Variants in MTUS2 observed in about 807,000 individuals in gnomAD.
MTUS2 encodes microtubule associated scaffold protein 2.
MTUS2 carries 40 observed loss-of-function variants against 114.1 expected under a neutral mutation model. The observed-to-expected ratio is 0.35, with a 90% CI of 0.27 to 0.46. The LOEUF is 0.46. MTUS2 is among the 20% of genes least tolerant of loss of function. The pLI, the probability that MTUS2 is intolerant of heterozygous loss-of-function variation, is 1.00. For synonymous variants in MTUS2, 688 were observed against 672.0 expected (o/e 1.02, Z -0.37); for missense variants, 1,679 against 1,705.4 (o/e 0.98, Z 0.27).
chr13:29,276,610 A>G (rs1898071918), intron 5 of MTUS2, among the ~76,000 whole-genome samples: 1 of 152,110 alleles, frequency 6.6e-6, no homozygotes, highest in Non-Finnish European at 1.5e-5. Context: ...TAAGAATAGT[A>G]TAGGGGGCTG....
At chr13:28,933,832 C>T (rs1881752861) in intron 2 of MTUS2, among the ~76,000 whole-genome samples, 2 of 152,188 alleles carry the variant, frequency 1.3e-5, no homozygotes, top group Non-Finnish European at 2.9e-5. Context: ...CTCTGTGCTG[C>T]CTCTCAAGGG....
At chr13:29,383,435 C>T (rs889768934) in intron 8 of MTUS2, among the ~76,000 whole-genome samples, 3 of 151,938 alleles carry the variant, frequency 2.0e-5, no homozygotes, top group Non-Finnish European at 4.4e-5. Flanking sequence ...CTCTGGAGGC[C>T]CTGCAGCAAG....
chr13:28,947,542 T>C (rs1313415557), intron 2 of MTUS2, among the ~76,000 whole-genome samples: 1 of 151,794 alleles, frequency 6.6e-6, no homozygotes, highest in African/African-American at 2.4e-5. Context: ...TCTTTCGGCT[T>C]TTGCAAAAAA....
Position 29,317,432 on chromosome 13 carries a change from C to CTTTT in MTUS2, c.2807-7167_2807-7164dup, listed in dbSNP as rs552766235. Among the ~76,000 whole-genome samples the CTTTT allele has an allele frequency of 4.3e-3, 220 of 51,674 alleles. 68 individuals carry two copies. The highest frequency in any genetic ancestry group is 0.014 in the African/African-American group (214 of 15,262). 33.9% of individuals were successfully genotyped at this position (51,674 alleles called of 152,430 possible). A position where few individuals can be genotyped will look rare whatever the true frequency, so the allele number is the denominator to read the frequency against. ...GCTTGTGCGCGCGCTCTCTCTCTCT[C>CTTTT]TTTTTTTTTTTTTTTTTGAGACGGA... is the stretch of plus-strand genomic sequence containing the variant. On this transcript the variant is annotated intron_variant, in intron 6 of 15. Coordinates refer to ENST00000612955, the MANE Select transcript of MTUS2 (RefSeq NM_001033602.4).
chr13:29,033,146 T>C (rs1052619864), intron 3 of MTUS2, among the ~76,000 whole-genome samples: 1 of 152,220 alleles, frequency 6.6e-6, no homozygotes, highest in Admixed American at 6.5e-5. Context: ...TTATTGACTT[T>C]AGCTATGTGC....
chr13:29,212,587 G>T (rs1320253625), intron 5 of MTUS2, among the ~76,000 whole-genome samples: 1 of 152,162 alleles, frequency 6.6e-6, no homozygotes, highest in Admixed American at 6.5e-5. Flanking sequence ...CAAATTGGAG[G>T]TTCTCACAAT....
At chr13:29,047,339 G>C (rs1417222172) in intron 4 of MTUS2, among the ~76,000 whole-genome samples, 2 of 152,088 alleles carry the variant, frequency 1.3e-5, no homozygotes, top group Non-Finnish European at 2.9e-5. Context: ...TCCAGCCTTC[G>C]TGATAGCAGA....
chr13:29,279,227 C>T (rs996303447), intron 5 of MTUS2, among the ~76,000 whole-genome samples: 1 of 152,028 alleles, frequency 6.6e-6, no homozygotes, highest in African/African-American at 2.4e-5. Context: ...GTATTCAAAC[C>T]CTAGCCATCT....
chr13:28,962,606 T>G (rs1318606070), intron 2 of MTUS2, among the ~76,000 whole-genome samples: 1 of 152,224 alleles, frequency 6.6e-6, no homozygotes, highest in Non-Finnish European at 1.5e-5. Flanking sequence ...TTGCAGCTGG[T>G]GTATGCCATT....
chr13:29,442,656 T>A (rs1373302510), intron 9 of MTUS2, among the ~76,000 whole-genome samples: 1 of 52,008 alleles, frequency 1.9e-5, no homozygotes, highest in African/African-American at 6.4e-5. Context: ...CATTGGTGTG[T>A]TTCCCTCGGA....
intron 8 of MTUS2, among the ~76,000 whole-genome samples, chr13:29,424,378 CA>C (rs1382250281): frequency 6.6e-6 from 1 of 152,066 alleles, no homozygotes; most frequent in African/African-American, 2.4e-5. Flanking sequence ...GAAGTCACCC[CA>C]GTTGAAGAAA....
chr13:29,065,960 G>T (rs186755864), intron 4 of MTUS2, among the ~76,000 whole-genome samples: 1 of 150,928 alleles, frequency 6.6e-6, no homozygotes, highest in Non-Finnish European at 1.5e-5. Flanking sequence ...GTTTCCTCCC[G>T]CTTCCTCCCT....
rs1270872991 is a variant in MTUS2, at chr13:29,137,291, TA to T, written c.2644+36323del. Reference sequence around the variant, plus strand: ...TGCTTTCAAAATTATCTCTGTCTTTTAACAGTTTGATTATACTGTTTCTTGG... The same window carrying T: ...TGCTTTCAAAATTATCTCTGTCTTTTACAGTTTGATTATACTGTTTCTTGG... On this transcript the variant is annotated intron_variant, in intron 5 of 15. Transcript: ENST00000612955. Among the ~76,000 whole-genome samples, 8 of 152,292 alleles carry T rather than the reference TA, an allele frequency of 5.3e-5. No individual in the cohort carries two copies. The South Asian group carries it at 1.5e-3, about 28-fold the overall frequency.
intron 5 of MTUS2, among the ~76,000 whole-genome samples, chr13:29,207,741 A>G (rs1332253924): frequency 6.6e-6 from 1 of 152,104 alleles, no homozygotes; most frequent in African/African-American, 2.4e-5. Context: ...ACTTGCGTAT[A>G]TTAAACCATC....
intron 5 of MTUS2, among the ~76,000 whole-genome samples, chr13:29,109,372 T>G: frequency 6.6e-6 from 1 of 152,296 alleles, no homozygotes; most frequent in East Asian, 1.9e-4. Context: ...GTATACAATA[T>G]AGTGTTATTA....
rs191662094 is a variant in MTUS2 at position 29,083,570 on chromosome 13, A to T, written c.2447-17203A>T. Among the ~76,000 whole-genome samples the T allele has an allele frequency of 2.8e-3, 423 of 152,356 alleles. 2 individuals carry two copies. The highest frequency in any genetic ancestry group is 9.8e-3 in the African/African-American group (407 of 41,588). On this transcript the variant is annotated intron_variant, in intron 4 of 15. Coordinates refer to ENST00000612955, the MANE Select transcript of MTUS2 (RefSeq NM_001033602.4). ...CTGATTAGATGGAGTCAGTCAATTC[A>T]ATAATATAATGTCTGGGGGCCTTAC...
intron 6 of MTUS2, among the ~76,000 whole-genome samples, chr13:29,312,156 C>G (rs762749376): frequency 2.6e-5 from 4 of 152,200 alleles, no homozygotes; most frequent in South Asian, 4.1e-4. Context: ...TTACCTGGCT[C>G]CTCCTCCATG....
At chr13:28,955,323 A>G (rs1007299869) in intron 2 of MTUS2, among the ~76,000 whole-genome samples, 1 of 152,242 alleles carries the variant, frequency 6.6e-6, no homozygotes, top group Non-Finnish European at 1.5e-5. Flanking sequence ...ATACAAACTA[A>G]AAGCAGATTT....
chr13:28,837,608 A>G (rs1875182125), intron 1 of MTUS2, among the ~76,000 whole-genome samples: 1 of 152,128 alleles, frequency 6.6e-6, no homozygotes, highest in Non-Finnish European at 1.5e-5. Flanking sequence ...AATTTTGTTC[A>G]CACTCTTATT....
Sources: gnomAD v4.1 joint callset for allele counts (sites outside exome capture counted in the v4.1 genomes callset) on GRCh38, gnomAD v4.1.1 for gene constraint, MANE v1.5 for transcripts, NCBI Gene and HGNC (gene_info 2026-07-23, HGNC 2026-07-21) for gene names.